The following SENP6 variants were observed in gnomAD, a reference collection of about 807,000 sequenced individuals.
SENP6 encodes sentrin-specific protease 6.
In SENP6, 41 loss-of-function variants were observed where a neutral mutation model predicts 134.5. The observed-to-expected ratio is 0.30, with a 90% confidence interval of 0.24 to 0.40. The LOEUF is 0.40. Ranked by LOEUF, SENP6 falls within the 10% of genes least tolerant of loss-of-function variation. The pLI, the probability that SENP6 is intolerant of heterozygous loss-of-function variation, is 1.00. For synonymous variants in SENP6, 395 were observed against 429.8 expected (o/e 0.92, Z 1.00); for missense variants, 1,248 against 1,312.5 (o/e 0.95, Z 0.76).
chr6:75,660,644 T>C (rs960721608), intron 8 of SENP6, among the ~76,000 whole-genome samples: 33 of 152,076 alleles, frequency 2.2e-4, no homozygotes, highest in Non-Finnish European at 3.1e-4. Context: ...TCTTTTTTTT[T>C]TTCCCCGAGA....
intron 1 of SENP6, among the ~76,000 whole-genome samples, chr6:75,604,361 G>A (rs149462486): frequency 4.6e-5 from 7 of 152,252 alleles, no homozygotes; most frequent in Non-Finnish European, 7.4e-5. Flanking sequence ...GCACGGTGGC[G>A]GCACGCCCTT....
chr6:75,667,471 AAAAG>A (rs1422661459), intron 10 of SENP6, among the ~76,000 whole-genome samples: 1 of 152,200 alleles, frequency 6.6e-6, no homozygotes, highest in Non-Finnish European at 1.5e-5. Context: ...AGAATGGACA[AAAAG>A]AAAATTCATG....
chr6:75,658,302 G>A (rs1173230874), intron 7 of SENP6, among the ~76,000 whole-genome samples: 4 of 151,986 alleles, frequency 2.6e-5, no homozygotes, highest in African/African-American at 7.2e-5. Context: ...TTCTTAAGAT[G>A]GTGTTGTATA....
intron 18 of SENP6, among the ~76,000 whole-genome samples, chr6:75,699,354 C>CTTTTTTTTTTTTTTTTTT (rs71544060): frequency 1.5e-4 from 17 of 115,012 alleles, no homozygotes; most frequent in Non-Finnish European, 2.1e-4. Flanking sequence ...TTTGTTTTTG[C>CTTTTTTTTTTTTTTTTTT]TTTTTTTTTT....
In SENP6 at chr6:75,671,385, T is replaced by G. The variant is rs183969758; in HGVS notation, c.1392+665T>G. 3.1e-3 allele frequency among the ~76,000 whole-genome samples: 471 copies of G among 152,316 alleles called. 4 individuals are homozygous for G. Among genetic ancestry groups the G allele is most frequent in the Non-Finnish European group, 8.5e-4 (58 of 68,018 alleles). On this transcript the variant is annotated intron_variant, in intron 11 of 23. Coordinates refer to ENST00000447266, the MANE Select transcript of SENP6 (RefSeq NM_015571.4). ...GATGTCCCTATTTGTTTCCATCTCT[T>G]CTTTCAAACTGATATTGTCCTTTTT...
intron 11 of SENP6, among the ~76,000 whole-genome samples, chr6:75,673,242 G>T (rs1772820315): frequency 6.6e-6 from 1 of 151,096 alleles, no homozygotes; most frequent in South Asian, 2.1e-4. Flanking sequence ...TTTCAAATGA[G>T]AAGATATAAA....
intron 3 of SENP6, among the ~76,000 whole-genome samples, chr6:75,633,356 T>C (rs1186838160): frequency 6.6e-6 from 1 of 152,150 alleles, no homozygotes; most frequent in Non-Finnish European, 1.5e-5. Context: ...AAGATTCACA[T>C]GAAAAGAAAG....
intron 6 of SENP6, among the ~76,000 whole-genome samples, chr6:75,644,471 C>CTTT (rs1445666222): frequency 1.2e-3 from 134 of 108,888 alleles, no homozygotes; most frequent in African/African-American, 4.3e-3. Flanking sequence ...AAATTTCTTT[C>CTTT]TTTCTTTTTT....
At chr6:75,624,001 AC>A in intron 3 of SENP6, 41 bp downstream of exon 3, 1 of 1,491,920 alleles carries the variant, frequency 6.7e-7, no homozygotes, top group Admixed American at 1.9e-5. Context: ...TACATTATAT[AC>A]AAAAAAATTG....
At chr6:75,641,980 G>T (rs1165408096) in intron 6 of SENP6, among the ~76,000 whole-genome samples, 1 of 152,116 alleles carries the variant, frequency 6.6e-6, no homozygotes, top group East Asian at 1.9e-4. Context: ...TCAGCTGATG[G>T]ATTAATATTT....
intron 7 of SENP6, among the ~76,000 whole-genome samples, chr6:75,659,057 A>G (rs1032667844): frequency 1.3e-5 from 2 of 151,070 alleles, no homozygotes; most frequent in Non-Finnish European, 3.0e-5. Context: ...TTACCTTAGT[A>G]GAACAAAATA....
rs114358638 is a variant in SENP6 at position 75,603,342 on chromosome 6, A to G, written c.52+766A>G. 6.9e-3 allele frequency among the ~76,000 whole-genome samples: 1,052 copies of G among 152,264 alleles called. 8 individuals carry two copies. Among genetic ancestry groups the G allele is most frequent in the African/African-American group, 0.024 (994 of 41,560 alleles). On this transcript the variant is annotated intron_variant, in intron 1 of 23. Transcript: ENST00000447266. ...ATATTGATTTTTTTGGCCTATGAAT[A>G]TATAAGGACCCCCAAAATAGAGCTA...
chr6:75,609,126 T>TG (rs111954202), intron 1 of SENP6, among the ~76,000 whole-genome samples: 43,485 of 151,990 alleles, frequency 0.29, 6,803 homozygotes, highest in Non-Finnish European at 0.37. Flanking sequence ...CTTAAGTTAT[T>TG]GGGGAAGTCA....
At chr6:75,661,858 T>C (rs1438432561) in intron 8 of SENP6, among the ~76,000 whole-genome samples, 2 of 151,880 alleles carry the variant, frequency 1.3e-5, no homozygotes, top group African/African-American at 4.8e-5. Flanking sequence ...TTGAAACCAG[T>C]CTGGCCAATA....
chr6:75,644,925 G>T (rs1770318110), intron 6 of SENP6, among the ~76,000 whole-genome samples: 1 of 152,284 alleles, frequency 6.6e-6, no homozygotes, highest in Non-Finnish European at 1.5e-5. Context: ...TAACTTTTCT[G>T]CAAATCTAAA....
At position 75,716,354 on chromosome 6, in the gene SENP6, T is replaced by C. The variant is rs1776019510; in HGVS notation, c.*760T>C. 6.6e-6 allele frequency: 1 copy of C among 152,048 alleles called. No homozygotes were observed. Among genetic ancestry groups the C allele is most frequent in the Non-Finnish European group, 1.5e-5 (1 of 67,890 alleles). The allele number at this position is 152,048 out of a possible 1,614,324, so 9.4% of individuals were successfully genotyped here. A position where few individuals can be genotyped will look rare whatever the true frequency, so the allele number is the denominator to read the frequency against. On this transcript the variant is annotated 3_prime_UTR_variant, in exon 24 of 24. Coordinates refer to ENST00000447266, the MANE Select transcript of SENP6 (RefSeq NM_015571.4). ...TGAATTTCAAATATCCCGTGTTACC[T>C]TTCTCTATTACAGCTTAAAGTATGC... is the stretch of plus-strand genomic sequence containing the variant.
In SENP6 at chr6:75,699,722, C is replaced by T. The variant is rs145683169; in HGVS notation, c.2288+2205C>T. On this transcript the variant is annotated intron_variant, in intron 18 of 23. Transcript: ENST00000447266. ...CCAGTCTGGTCTCAAACTCCAGAGCCGAAGCGGTCCACCTGCCGTAGCCTC... is the reference window on the plus strand; with the variant it reads ...CCAGTCTGGTCTCAAACTCCAGAGCTGAAGCGGTCCACCTGCCGTAGCCTC... Among the ~76,000 whole-genome samples, 300 of 151,892 alleles carry T rather than the reference C, an allele frequency of 2.0e-3. 2 individuals are homozygous for T. The highest frequency in any genetic ancestry group is 6.6e-3 in the African/African-American group (275 of 41,430).
At position 75,674,844 on chromosome 6, in the gene SENP6, C is replaced by T. The variant is rs541795127; in HGVS notation, c.1393-591C>T. ...CAGTGAACATTTATATAACTCCCCG[C>T]TAAATTTTACTATTAGCATTTTATT... On this transcript the variant is annotated intron_variant, in intron 11 of 23. Coordinates refer to ENST00000447266, the MANE Select transcript of SENP6 (RefSeq NM_015571.4). 6.6e-5 allele frequency among the ~76,000 whole-genome samples: 10 copies of T among 152,276 alleles called. No homozygotes were observed. The South Asian group carries it at 1.2e-3, about 19-fold the overall frequency.
At chr6:75,657,387 C>A (rs1246523828) in intron 7 of SENP6, among the ~76,000 whole-genome samples, 6 of 152,088 alleles carry the variant, frequency 3.9e-5, no homozygotes, top group African/African-American at 1.4e-4. Flanking sequence ...TGCTCTGTAA[C>A]CTCAGATTTT....
Sources: allele counts gnomAD v4.1 joint callset (sites outside exome capture counted in the v4.1 genomes callset), GRCh38; gene constraint gnomAD v4.1.1; transcripts MANE v1.5; gene names NCBI Gene and HGNC (gene_info 2026-07-23, HGNC 2026-07-21).